UQCRC2: variants seen among roughly 807,000 people sequenced by gnomAD.
UQCRC2 encodes cytochrome b-c1 complex subunit 2, mitochondrial.
Under a neutral mutation model 55.6 loss-of-function variants are expected in UQCRC2, and 49 were observed. The observed-to-expected ratio is 0.88, with a 90% CI of 0.70 to 1.12. The LOEUF (loss-of-function observed/expected upper bound fraction) is 1.12. UQCRC2 is among the 50% of genes most tolerant of loss of function. The pLI, the probability that UQCRC2 is intolerant of heterozygous loss-of-function variation, is 0.00. For missense variants in UQCRC2, 506 were observed against 547.8 expected, an observed-to-expected ratio of 0.92 and a Z score of 0.76; for synonymous variants, 193 against 192.0, an observed-to-expected ratio of 1.01 and a Z score of -0.04.
rs369663098 is a variant in UQCRC2 at position 21,953,393 on chromosome 16, C to T, written c.-31C>T. 17 of 1,611,106 alleles carry T rather than the reference C, an allele frequency of 1.1e-5. No homozygotes were observed. In the African/African-American group the frequency reaches 2.0e-4, roughly 19 times the overall value. On this transcript the variant is annotated 5_prime_UTR_variant, in exon 1 of 14. Coordinates refer to ENST00000268379, the MANE Select transcript of UQCRC2 (RefSeq NM_003366.4). ...ACCATCTTGCTTTCCTTTAATCCGG[C>T]AGTGACCGTGTGTCAGAACAATCTT...
At chr16:21,961,626 T>TATATA (rs1898200733) in intron 4 of UQCRC2, among the ~76,000 whole-genome samples, 1 of 64,476 alleles carries the variant, frequency 1.6e-5, no homozygotes, top group Non-Finnish European at 4.3e-5. Flanking sequence ...AACATAAAAT[T>TATATA]TATATATATA....
chr16:21,964,195 G>A (rs1898270860), intron 6 of UQCRC2, among the ~76,000 whole-genome samples: 1 of 152,118 alleles, frequency 6.6e-6, no homozygotes, highest in African/African-American at 2.4e-5. Context: ...TGTTGCTCAG[G>A]ATTTCTACTG....
At chr16:21,977,505 T>C (rs1284192093) in intron 12 of UQCRC2, among the ~76,000 whole-genome samples, 1 of 152,138 alleles carries the variant, frequency 6.6e-6, no homozygotes, top group Non-Finnish European at 1.5e-5. Context: ...TTGTTTTGTT[T>C]TATAAGAAAG....
intron 12 of UQCRC2, chr16:21,980,137 CT>C: frequency 5.6e-6 from 1 of 179,870 alleles, no homozygotes; most frequent in Non-Finnish European, 1.2e-5. Context: ...GCAGAGAGAT[CT>C]TCCTCACTGT....
Position 21,976,318 on chromosome 16 carries a change from T to C in UQCRC2, c.1124+75T>C. On this transcript the variant is annotated intron_variant, in intron 12 of 13. Coordinates refer to ENST00000268379, the MANE Select transcript of UQCRC2 (RefSeq NM_003366.4). ...TATTCTTTTCAGATTATAACAATATTACAATCTATGCTCATAAGGACTGAG... is the reference window on the plus strand; with the variant it reads ...TATTCTTTTCAGATTATAACAATATCACAATCTATGCTCATAAGGACTGAG... 5 of 1,273,480 alleles carry C rather than the reference T, an allele frequency of 3.9e-6. No individual in the cohort carries two copies. In the South Asian group the frequency reaches 6.1e-5, roughly 16 times the overall value. The allele number at this position is 1,273,480 out of a possible 1,614,324, so 78.9% of individuals were successfully genotyped here.
chr16:21,971,953 T>G lies in UQCRC2; in HGVS notation c.797T>G (p.Leu266Arg), dbSNP rs1898473156. 15 of 1,614,052 alleles carry G rather than the reference T, an allele frequency of 9.3e-6. No individual in the cohort carries two copies. The highest frequency in any genetic ancestry group is 1.2e-5 in the Non-Finnish European group (14 of 1,180,040). The change falls in exon 10 of 14, where the codon CTT (leucine) becomes CGT (arginine). Residue 266 changes from leucine to arginine, a missense_variant. Coordinates refer to ENST00000268379, the MANE Select transcript of UQCRC2 (RefSeq NM_003366.4). Reference protein sequence around the residue: ...GEIREQNGDSLVHAAFVAESA... With the variant: ...GEIREQNGDSRVHAAFVAESA... ...ATCCGAGAACAGAATGGAGACAGTC[T>G]TGTCCATGCTGCTTTTGTAGCAGAA...
chr16:21,955,836 T>C (rs372453595), intron 1 of UQCRC2, among the ~76,000 whole-genome samples: 40 of 152,228 alleles, frequency 2.6e-4, no homozygotes, highest in African/African-American at 8.9e-4. Flanking sequence ...TTTCTTTTTT[T>C]TTTCTTGAGA....
At chr16:21,978,938 A>G (rs1477562908) in intron 12 of UQCRC2, among the ~76,000 whole-genome samples, 1 of 152,226 alleles carries the variant, frequency 6.6e-6, no homozygotes, top group Admixed American at 6.5e-5. Flanking sequence ...AACAGACAGC[A>G]GAAGCTCTTC....
intron 2 of UQCRC2, 38 bp from the exon 3 acceptor site, chr16:21,957,379 A>T: frequency 6.2e-7 from 1 of 1,613,882 alleles, no homozygotes; most frequent in Non-Finnish European, 8.5e-7. Flanking sequence ...TGGTAATACG[A>T]AGACATTCAT....
intron 7 of UQCRC2, among the ~76,000 whole-genome samples, chr16:21,967,847 C>G (rs901944199): frequency 1.3e-5 from 2 of 152,096 alleles, no homozygotes; most frequent in African/African-American, 4.8e-5. Context: ...TGGTAAAACT[C>G]TGTTAGCCCT....
At chr16:21,964,996 C>G (rs949200854) in intron 6 of UQCRC2, among the ~76,000 whole-genome samples, 5 of 152,158 alleles carry the variant, frequency 3.3e-5, no homozygotes, top group African/African-American at 1.2e-4. Flanking sequence ...CTGACAATCT[C>G]CTTATTACCT....
At chr16:21,968,829 T>C (rs1397818125) in intron 8 of UQCRC2, 144 bp downstream of exon 8, 1 of 558,118 alleles carries the variant, frequency 1.8e-6, no homozygotes, top group African/African-American at 1.9e-5. Context: ...CATAGGATTT[T>C]AATTGCTAGT....
At chr16:21,956,669 C>T (rs191688562) in intron 1 of UQCRC2, among the ~76,000 whole-genome samples, 1 of 152,162 alleles carries the variant, frequency 6.6e-6, no homozygotes, top group African/African-American at 2.4e-5. Flanking sequence ...TGATTCTTTA[C>T]ATCATTTAAA....
intron 4 of UQCRC2, among the ~76,000 whole-genome samples, chr16:21,960,046 C>T (rs1898164522): frequency 6.6e-6 from 1 of 152,176 alleles, no homozygotes; most frequent in Non-Finnish European, 1.5e-5. Flanking sequence ...TAAATGACCT[C>T]ATCCTAAAGT....
chr16:21,968,598 T>C lies in UQCRC2; in HGVS notation c.613-30T>C, dbSNP rs774068164. On this transcript the variant is annotated intron_variant, in intron 7 of 13. Transcript: ENST00000268379. ...ACAGCTTTTTATATTTATGCTAATA[T>C]AACCTAATAAGTGTTTTTAACTTCC... 6 of 1,572,152 alleles carry C rather than the reference T, an allele frequency of 3.8e-6. No individual in the cohort carries two copies. In the South Asian group the frequency reaches 5.9e-5, roughly 15 times the overall value.
intron 12 of UQCRC2, among the ~76,000 whole-genome samples, chr16:21,977,116 G>T (rs1898604598): frequency 6.6e-6 from 1 of 152,142 alleles, no homozygotes; most frequent in East Asian, 1.9e-4. Flanking sequence ...GACTTTGGGA[G>T]GCTGGGGCAG....
chr16:21,961,652 ATATATATATATATATATT>A (rs1405100672), intron 4 of UQCRC2, among the ~76,000 whole-genome samples: 8 of 102,302 alleles, frequency 7.8e-5, no homozygotes, highest in Middle Eastern at 4.2e-3. Flanking sequence ...ATATATATAT[ATATATATATATATATATT>A]TTAGACAGTC....
intron 10 of UQCRC2, among the ~76,000 whole-genome samples, chr16:21,972,951 T>G (rs112418164): frequency 6.6e-6 from 1 of 151,930 alleles, no homozygotes; most frequent in Non-Finnish European, 1.5e-5. Flanking sequence ...AATACAAAAA[T>G]TGTCTGGGCG....
At chr16:21,981,068 A>G (rs1285795938) in intron 13 of UQCRC2, among the ~76,000 whole-genome samples, 1 of 152,208 alleles carries the variant, frequency 6.6e-6, no homozygotes, top group Non-Finnish European at 1.5e-5. Context: ...AGTAAAGAAG[A>G]GTCAAATATT....
Sources: allele counts gnomAD v4.1 joint callset (sites outside exome capture counted in the v4.1 genomes callset), GRCh38; gene constraint gnomAD v4.1.1; transcripts MANE v1.5; gene names NCBI Gene and HGNC (gene_info 2026-07-23, HGNC 2026-07-21).